The following HS2ST1 variants were observed in gnomAD, a reference collection of about 807,000 sequenced individuals.
HS2ST1 encodes 2-O-sulfotransferase.
HS2ST1 carries 18 observed loss-of-function variants against 42.9 expected under a neutral mutation model. The ratio of observed to expected loss-of-function variants is 0.42; its 90% confidence interval spans 0.29 to 0.62. The LOEUF is 0.62. Among genes scored for constraint, HS2ST1 ranks in the 20% least tolerant of loss-of-function variants. HS2ST1 has a pLI of 0.21. For missense variants in HS2ST1, 334 were observed against 433.8 expected (o/e 0.77, Z 2.04); for synonymous variants, 146 against 152.9 (o/e 0.95, Z 0.33).
Position 86,997,844 on chromosome 1 carries a change from C to T in HS2ST1, c.125-75090C>T, listed in dbSNP as rs577126074. ...GGGACAGGGTGGTGTACGATTTCAT[C>T]ACACTACTCAAAATAGTGTGCAATT... On this transcript the variant is annotated intron_variant, in intron 1 of 6. Coordinates refer to ENST00000370550, the MANE Select transcript of HS2ST1 (RefSeq NM_012262.4). Among the ~76,000 whole-genome samples the T allele has an allele frequency of 1.2e-3, 182 of 152,310 alleles. 1 individual carries two copies. The highest frequency in any genetic ancestry group is 4.1e-3 in the African/African-American group (171 of 41,566).
chr1:86,993,378 G>C (rs569412021), intron 1 of HS2ST1, among the ~76,000 whole-genome samples: 2 of 152,096 alleles, frequency 1.3e-5, no homozygotes, highest in Non-Finnish European at 2.9e-5. Flanking sequence ...GGTGGGCGGG[G>C]GGTTGTTCCT....
chr1:86,917,975 T>TA (rs1321478354), intron 1 of HS2ST1, among the ~76,000 whole-genome samples: 6 of 152,208 alleles, frequency 3.9e-5, no homozygotes, highest in African/African-American at 1.4e-4. Context: ...ATCACAATGT[T>TA]AAAAAAGCAT....
intron 6 of HS2ST1, 76 bp downstream of exon 6, chr1:87,103,665 T>C (rs2100658287): frequency 8.0e-7 from 1 of 1,252,182 alleles, no homozygotes; most frequent in Non-Finnish European, 1.1e-6. Context: ...AATATGTGAT[T>C]TGAAGTTTCT....
In HS2ST1 at chr1:86,915,144, G is replaced by A. The variant is rs775590316; in HGVS notation, c.108G>A (p.Glu36=). 163 of 1,613,780 alleles carry A rather than the reference G, an allele frequency of 1.0e-4. No individual in the cohort carries two copies. The highest frequency in any genetic ancestry group is 1.3e-4 in the Non-Finnish European group (157 of 1,179,854). The change falls in exon 1 of 7, where the codon GAG becomes GAA. Residue 36 remains glutamate (E), a synonymous_variant. Transcript: ENST00000370550. ...AAAACCAGATCCAGAAACTGGAGGA[G>A]TCCCGCTCGAAGCTAGGTGAGGAAC... ...FLENQIQKLE[E]SRSKLERAIA...
At chr1:86,929,650 G>A (rs940726919) in intron 1 of HS2ST1, among the ~76,000 whole-genome samples, 5 of 151,626 alleles carry the variant, frequency 3.3e-5, no homozygotes, top group African/African-American at 7.3e-5. Context: ...GTTTATGTGC[G>A]TATACATATA....
intron 1 of HS2ST1, among the ~76,000 whole-genome samples, chr1:87,018,985 TTAGA>T (rs1259748280): frequency 6.6e-6 from 1 of 152,240 alleles, no homozygotes; most frequent in Admixed American, 6.5e-5. Context: ...TGATGTTTCT[TTAGA>T]TAGGCATTCT....
intron 1 of HS2ST1, among the ~76,000 whole-genome samples, chr1:86,961,104 A>T (rs994862075): frequency 2.6e-5 from 4 of 151,008 alleles, no homozygotes; most frequent in African/African-American, 9.7e-5. Context: ...GAAATGAGTT[A>T]TCAGGCCATG....
chr1:87,089,426 A>C (rs1028786348), intron 3 of HS2ST1, among the ~76,000 whole-genome samples: 6 of 152,042 alleles, frequency 3.9e-5, no homozygotes, highest in African/African-American at 1.4e-4. Flanking sequence ...TTCTGCTAGT[A>C]GAAATGGGTT....
chr1:86,951,009 T>TGGATTAGTAGGAAAGCAGGCATTTAA (rs1296365374), intron 1 of HS2ST1, among the ~76,000 whole-genome samples: 4 of 152,162 alleles, frequency 2.6e-5, no homozygotes, highest in Non-Finnish European at 5.9e-5. Flanking sequence ...AGTGTTCAGT[T>TGGATTAGTAGGAAAGCAGGCATTTAA]GGATTAGTAG....
chr1:87,107,116 A>G lies in HS2ST1; in HGVS notation c.*2420A>G, dbSNP rs1258789258. On this transcript the variant is annotated 3_prime_UTR_variant, in exon 7 of 7. Coordinates refer to ENST00000370550, the MANE Select transcript of HS2ST1 (RefSeq NM_012262.4). ...ACATCCCAGATGCAGACCATGGGCA[A>G]CCAACCATTGCACTGGCCAAATCAT... 1 of 152,122 alleles carries G rather than the reference A, an allele frequency of 6.6e-6. No homozygotes were observed. Among genetic ancestry groups the G allele is most frequent in the Admixed American group, 6.6e-5 (1 of 15,262 alleles). The allele number at this position is 152,122 out of a possible 1,614,324, so 9.4% of individuals were successfully genotyped here.
chr1:86,942,663 T>C lies in HS2ST1; in HGVS notation c.124+27503T>C, dbSNP rs535158706. Among the ~76,000 whole-genome samples, 226 of 152,272 alleles carry C rather than the reference T, an allele frequency of 1.5e-3. 1 individual carries two copies. Among genetic ancestry groups the C allele is most frequent in the African/African-American group, 5.2e-3 (215 of 41,562 alleles). Reference sequence around the variant, plus strand: ...TATTTTTGGCAAATGAAAAAGGTATTGGGGTAGAGACAGAGATTTCCTATT... The same window carrying C: ...TATTTTTGGCAAATGAAAAAGGTATCGGGGTAGAGACAGAGATTTCCTATT... On this transcript the variant is annotated intron_variant, in intron 1 of 6. Coordinates refer to ENST00000370550, the MANE Select transcript of HS2ST1 (RefSeq NM_012262.4).
At chr1:86,998,483 G>A (rs1057042349) in intron 1 of HS2ST1, among the ~76,000 whole-genome samples, 1 of 152,096 alleles carries the variant, frequency 6.6e-6, no homozygotes, top group Non-Finnish European at 1.5e-5. Context: ...TTATTGTCTC[G>A]AGTGACATAA....
At chr1:87,101,004 G>GT (rs1336428299) in intron 5 of HS2ST1, among the ~76,000 whole-genome samples, 2 of 152,102 alleles carry the variant, frequency 1.3e-5, no homozygotes, top group Admixed American at 6.5e-5. Context: ...CCTTTAAAAT[G>GT]TAAGTTCCAA....
At chr1:87,081,703 T>A (rs1189517839) in intron 2 of HS2ST1, among the ~76,000 whole-genome samples, 3 of 151,428 alleles carry the variant, frequency 2.0e-5, no homozygotes, top group Non-Finnish European at 4.4e-5. Context: ...ATAAATGAAA[T>A]TGAAACAAAA....
At chr1:87,046,085 C>T in intron 1 of HS2ST1, 1 of 666,196 alleles carries the variant, frequency 1.5e-6, no homozygotes, top group South Asian at 1.4e-5. Flanking sequence ...TGAACCCTGA[C>T]TATAATGTGG....
chr1:87,077,560 T>G (rs567995684), intron 2 of HS2ST1, among the ~76,000 whole-genome samples: 22 of 152,224 alleles, frequency 1.4e-4, no homozygotes, highest in Non-Finnish European at 2.6e-4. Context: ...ACTCTTGTTG[T>G]GTCTTCTCTG....
intron 1 of HS2ST1, among the ~76,000 whole-genome samples, chr1:87,067,761 G>A (rs1651291656): frequency 6.6e-6 from 1 of 152,088 alleles, no homozygotes; most frequent in South Asian, 2.1e-4. Flanking sequence ...GTAAGGAAGG[G>A]GTCCAGTTTC....
chr1:86,941,315 C>T (rs1433290970), intron 1 of HS2ST1, among the ~76,000 whole-genome samples: 3 of 151,810 alleles, frequency 2.0e-5, no homozygotes, highest in Non-Finnish European at 4.4e-5. Flanking sequence ...CCTCCTTTGA[C>T]CAAAATCTTT....
intron 4 of HS2ST1, among the ~76,000 whole-genome samples, chr1:87,092,972 G>A (rs988387477): frequency 1.3e-5 from 2 of 151,792 alleles, no homozygotes; most frequent in Non-Finnish European, 2.9e-5. Flanking sequence ...ATATATTTTT[G>A]TGTATTTTTT....
Sources: gnomAD v4.1 joint callset for allele counts (sites outside exome capture counted in the v4.1 genomes callset) on GRCh38, gnomAD v4.1.1 for gene constraint, MANE v1.5 for transcripts, NCBI Gene and HGNC (gene_info 2026-07-23, HGNC 2026-07-21) for gene names.